The following PAFAH1B1 variants were observed in gnomAD, a reference collection of about 807,000 sequenced individuals.
The protein encoded by PAFAH1B1 is platelet-activating factor acetylhydrolase IB subunit beta.
A neutral mutation model predicts 57.5 loss-of-function variants in PAFAH1B1; 2 were observed. That is an observed-to-expected ratio of 0.03 (90% CI 0.01 to 0.11). The LOEUF is 0.11. PAFAH1B1 is among the 10% of genes least tolerant of loss of function. The pLI is 1.00. For missense variants in PAFAH1B1, 257 were observed against 512.0 expected (o/e 0.50, Z 4.81); for synonymous variants, 152 against 169.6 (o/e 0.90, Z 0.81).
intron 8 of PAFAH1B1, among the ~76,000 whole-genome samples, chr17:2,675,729 C>T (rs1387905900): frequency 6.6e-6 from 1 of 151,800 alleles, no homozygotes; most frequent in Non-Finnish European, 1.5e-5. Flanking sequence ...TAGTCCCAGC[C>T]ACTAGGGAGA....
chr17:2,634,673 T>C (rs111498451), intron 1 of PAFAH1B1, among the ~76,000 whole-genome samples: 3,272 of 152,242 alleles, frequency 0.021, 110 homozygotes, highest in African/African-American at 0.074. Context: ...TTTTTTTTTT[T>C]CCTAAAATCT....
At chr17:2,601,130 A>T (rs1180156215) in intron 1 of PAFAH1B1, among the ~76,000 whole-genome samples, 1 of 151,982 alleles carries the variant, frequency 6.6e-6, no homozygotes, top group Non-Finnish European at 1.5e-5. Context: ...ATATTTATTT[A>T]TTATTTATTT....
intron 1 of PAFAH1B1, among the ~76,000 whole-genome samples, chr17:2,612,518 G>A (rs747295198): frequency 8.0e-5 from 12 of 150,128 alleles, no homozygotes; most frequent in Admixed American, 6.7e-4. Flanking sequence ...GTATCTTCCC[G>A]ACAATCTTGT....
chr17:2,652,319 G>T (rs544261940), intron 2 of PAFAH1B1, among the ~76,000 whole-genome samples: 1 of 152,210 alleles, frequency 6.6e-6, no homozygotes, highest in East Asian at 1.9e-4. Context: ...GGAGGCTGAG[G>T]CAGGAGAATG....
intron 2 of PAFAH1B1, among the ~76,000 whole-genome samples, chr17:2,644,817 ATAAT>A (rs2068745077): frequency 6.6e-6 from 1 of 152,324 alleles, no homozygotes; most frequent in African/African-American, 2.4e-5. Context: ...CACTACCTTC[ATAAT>A]CAGGATAAGT....
chr17:2,667,358 G>T, intron 5 of PAFAH1B1, 160 bp downstream of exon 5: 1 of 610,328 alleles, frequency 1.6e-6, no homozygotes. Flanking sequence ...GACTTAATAG[G>T]GTGAAGAAAA....
intron 6 of PAFAH1B1, among the ~76,000 whole-genome samples, chr17:2,672,285 CAAAAAAAAAA>C (rs35332619): frequency 1.7e-4 from 12 of 69,590 alleles, no homozygotes; most frequent in South Asian, 6.9e-4. Flanking sequence ...CCTTGCCTCA[CAAAAAAAAAA>C]AAAAAAAAAA....
intron 6 of PAFAH1B1, among the ~76,000 whole-genome samples, chr17:2,672,414 T>C (rs1020162349): frequency 2.0e-5 from 3 of 152,134 alleles, no homozygotes; most frequent in African/African-American, 7.2e-5. Context: ...TTTAAACCAT[T>C]TGTACAGGTT....
chr17:2,672,623 A>C lies in PAFAH1B1; in HGVS notation c.569-32A>C, dbSNP rs753824488. 19 of 1,373,028 alleles carry C rather than the reference A, an allele frequency of 1.4e-5. 1 individual carries two copies. In the South Asian group the frequency reaches 2.1e-4, roughly 15 times the overall value. The allele number at this position is 1,373,028 out of a possible 1,614,324, so 85.1% of individuals were successfully genotyped here. On this transcript the variant is annotated intron_variant, in intron 6 of 10. Transcript: ENST00000397195. The stretch of plus-strand genomic sequence containing the variant: ...GTTTCATTGCTCTTGGTGGTATATT[A>C]CTTCATAATATATTGCTGTTATGTG...
At chr17:2,608,219 G>A (rs1455943912) in intron 1 of PAFAH1B1, among the ~76,000 whole-genome samples, 1 of 151,968 alleles carries the variant, frequency 6.6e-6, no homozygotes, top group African/African-American at 2.4e-5. Flanking sequence ...TGAGTAGCTG[G>A]GACTACAGAC....
At chr17:2,634,854 T>G (rs537427113) in intron 1 of PAFAH1B1, among the ~76,000 whole-genome samples, 24 of 152,234 alleles carry the variant, frequency 1.6e-4, no homozygotes, top group African/African-American at 5.1e-4. Context: ...CAGTAGACTG[T>G]AACTTCTTGA....
chr17:2,672,177 G>A (rs930197601), intron 6 of PAFAH1B1, among the ~76,000 whole-genome samples: 5 of 147,074 alleles, frequency 3.4e-5, no homozygotes, highest in South Asian at 2.1e-4. Flanking sequence ...CCAGCTACCC[G>A]ACAGGCTGAG....
At chr17:2,657,627 A>G (rs2068954308) in intron 2 of PAFAH1B1, among the ~76,000 whole-genome samples, 1 of 152,222 alleles carries the variant, frequency 6.6e-6, no homozygotes, top group African/African-American at 2.4e-5. Flanking sequence ...GGTCCAGCTC[A>G]GCTCCCTGCC....
chr17:2,624,470 T>G (rs2068463785), intron 1 of PAFAH1B1, among the ~76,000 whole-genome samples: 4 of 152,194 alleles, frequency 2.6e-5, no homozygotes, highest in African/African-American at 9.7e-5. Context: ...TCCACATGGC[T>G]GGGGAGGCCT....
intron 2 of PAFAH1B1, 69 bp downstream of exon 2, chr17:2,638,389 C>T (rs1166594622): frequency 2.4e-6 from 3 of 1,272,514 alleles, no homozygotes; most frequent in African/African-American, 1.5e-5. Flanking sequence ...AATTAAAATA[C>T]AGCTTTGGGA....
chr17:2,645,749 C>T (rs1457964659), intron 2 of PAFAH1B1, among the ~76,000 whole-genome samples: 3 of 151,498 alleles, frequency 2.0e-5, no homozygotes, highest in Middle Eastern at 3.4e-3. Context: ...GGACTACAGG[C>T]GCATGCCACC....
chr17:2,620,939 T>G (rs1347170979), intron 1 of PAFAH1B1, among the ~76,000 whole-genome samples: 1 of 152,108 alleles, frequency 6.6e-6, no homozygotes, highest in East Asian at 1.9e-4. Context: ...ACATCTTTAA[T>G]TCTTTACCAG....
chr17:2,640,255 A>G (rs1271290260), intron 2 of PAFAH1B1: 2 of 152,082 alleles, frequency 1.3e-5, no homozygotes, highest in East Asian at 1.9e-4. Context: ...AGTTGATTCC[A>G]TAATGTCCTT....
At chr17:2,621,102 T>A (rs1430829571) in intron 1 of PAFAH1B1, among the ~76,000 whole-genome samples, 2 of 152,188 alleles carry the variant, frequency 1.3e-5, no homozygotes, top group Admixed American at 1.3e-4. Flanking sequence ...TAAATGAATT[T>A]GAAAAAATGC....
Sources: gnomAD v4.1 joint callset for allele counts (sites outside exome capture counted in the v4.1 genomes callset) on GRCh38, gnomAD v4.1.1 for gene constraint, MANE v1.5 for transcripts, NCBI Gene and HGNC (gene_info 2026-07-23, HGNC 2026-07-21) for gene names.